The following CAPN11 variants were observed in gnomAD, a reference collection of about 807,000 sequenced individuals.
CAPN11 encodes the protein calpain 11, also known as calpain-11.
In CAPN11, 108 loss-of-function variants were observed where a neutral mutation model predicts 105.3. That is an observed-to-expected ratio of 1.03 (90% CI 0.88 to 1.20). The LOEUF is 1.20. CAPN11 is among the 50% of genes most tolerant of loss of function. The probability of loss-of-function intolerance (pLI) is 0.00; values close to 1 mark genes in which losing one functional copy is unlikely to be tolerated. For synonymous variants in CAPN11, 329 were observed against 344.5 expected (o/e 0.96, Z 0.50); for missense variants, 883 against 924.8 (o/e 0.95, Z 0.59).
intron 2 of CAPN11, chr6:44,168,923 T>G: frequency 2.3e-6 from 1 of 435,528 alleles, no homozygotes; most frequent in East Asian, 7.2e-5. Flanking sequence ...ACCCAGCCTA[T>G]TTATTTATTT....
chr6:44,182,753 T>C (rs779817317), intron 19 of CAPN11, among the ~76,000 whole-genome samples, 188 bp from the exon 20 acceptor site: 2 of 152,184 alleles, frequency 1.3e-5, no homozygotes, highest in Non-Finnish European at 2.9e-5. Flanking sequence ...TTTGTAGTTT[T>C]ATTAGAGACG....
chr6:44,164,485 G>GC (rs1354120548), intron 1 of CAPN11, among the ~76,000 whole-genome samples: 1 of 152,222 alleles, frequency 6.6e-6, no homozygotes, highest in Admixed American at 6.5e-5. Flanking sequence ...CCTCTTGAGA[G>GC]CTCACAGCCT....
At chr6:44,166,700 C>G (rs554714190) in intron 1 of CAPN11, 58 bp from the exon 2 acceptor site, 1 of 1,305,804 alleles carries the variant, frequency 7.7e-7, no homozygotes, top group Non-Finnish European at 1.1e-6. Context: ...CCCAGCTGGG[C>G]TCTGTTTAAC....
rs1561853677 is a variant in CAPN11, at chr6:44,181,431, C to CCCA, written c.1938+111_1938+112insCCA. 135 of 702,672 alleles carry CCCA rather than the reference C, an allele frequency of 1.9e-4. 28 individuals carry two copies. Among genetic ancestry groups the CCCA allele is most frequent in the Middle Eastern group, 7.5e-4 (2 of 2,660 alleles). 43.5% of individuals were successfully genotyped at this position (702,672 alleles called of 1,614,324 possible). On this transcript the variant is annotated intron_variant, in intron 19 of 22. Coordinates refer to ENST00000398776, the MANE Select transcript of CAPN11 (RefSeq NM_007058.4). ...CAAGCCCTAACCACACACACACACACACCCAACCACACCACACTCACACAC... is the reference window on the plus strand; with the variant it reads ...CAAGCCCTAACCACACACACACACACCCAACCCAACCACACCACACTCACACAC...
intron 12 of CAPN11, chr6:44,177,631 C>T (rs1020091511): frequency 4.7e-5 from 26 of 557,414 alleles, no homozygotes; most frequent in African/African-American, 4.0e-4. Context: ...GGATTACAGA[C>T]GTGCACCACC....
In CAPN11 at chr6:44,183,653, G is replaced by A. The variant is rs140426062; in HGVS notation, c.2135-52G>A. The A allele has an allele frequency of 4.2e-4, 657 of 1,572,298 alleles. 5 individuals are homozygous for A. Among genetic ancestry groups the A allele is most frequent in the East Asian group, 3.8e-3 (169 of 44,508 alleles). The stretch of plus-strand genomic sequence containing the variant: ...CTACCTAGTTGGGAGTGGTTCTTTC[G>A]GAACACTGACTTAGCATTCAGCCCC... On this transcript the variant is annotated intron_variant, in intron 21 of 22. Coordinates refer to ENST00000398776, the MANE Select transcript of CAPN11 (RefSeq NM_007058.4).
In CAPN11 at chr6:44,180,646, A is replaced by G; in HGVS notation, c.1730A>G (p.Lys577Arg). 3.7e-6 allele frequency: 6 copies of G among 1,613,712 alleles called. No individual in the cohort carries two copies. Among genetic ancestry groups the G allele is most frequent in the Non-Finnish European group, 5.1e-6 (6 of 1,179,796 alleles). ...GACCAGGACTTCCTACATTTGTTTA[A>G]GATAGTGGCAGGAGAGGTGAGCAGG... ...DMDQDFLHLF[K>R]IVAGEGKEIG... Residue 577 changes from lysine (K) to arginine (R), a missense_variant, in exon 16 of 23, where the codon AAG becomes AGG. Lys to Arg is a conservative substitution (Grantham distance 26). Coordinates refer to ENST00000398776, the MANE Select transcript of CAPN11 (RefSeq NM_007058.4).
At chr6:44,176,043 C>A in intron 7 of CAPN11, 25 bp from the exon 8 acceptor site, 1 of 1,553,570 alleles carries the variant, frequency 6.4e-7, no homozygotes, top group Non-Finnish European at 8.8e-7. Context: ...GCCCTCCATG[C>A]TCTCCCTCCC....
rs1772875863 is a variant in CAPN11, at chr6:44,180,129, C to T, written c.1606C>T (p.Leu536Phe). The change falls in exon 14 of 23, where the codon CTT (leucine) becomes TTT (phenylalanine). Residue 536 changes from leucine to phenylalanine, a missense_variant. Coordinates refer to ENST00000398776, the MANE Select transcript of CAPN11 (RefSeq NM_007058.4). ...GCCACACAGAGATGCTGACTTCCTG[C>T]TTCGGGTCTTCACCGAGAAGCACAG... Reference protein sequence around the residue: ...FEPHRDADFLLRVFTEKHSES... With the variant: ...FEPHRDADFLFRVFTEKHSES... The T allele has an allele frequency of 6.2e-7, 1 of 1,613,244 alleles. No individual in the cohort carries two copies. Among genetic ancestry groups the T allele is most frequent in the Non-Finnish European group, 8.5e-7 (1 of 1,179,612 alleles).
chr6:44,161,912 T>G, intron 1 of CAPN11: 1 of 456,098 alleles, frequency 2.2e-6, no homozygotes, highest in South Asian at 1.5e-5. Flanking sequence ...CTTAGATGAT[T>G]CGCTCAACCC....
intron 1 of CAPN11, among the ~76,000 whole-genome samples, chr6:44,160,760 C>G (rs1458926759): frequency 2.0e-5 from 3 of 152,236 alleles, no homozygotes; most frequent in Non-Finnish European, 4.4e-5. Flanking sequence ...CCCCTGCTTT[C>G]CACGCAGTTT....
chr6:44,169,921 C>A lies in CAPN11; in HGVS notation c.355C>A (p.Pro119Thr). 2 of 1,611,776 alleles carry A rather than the reference C, an allele frequency of 1.2e-6. No homozygotes were observed. Among genetic ancestry groups the A allele is most frequent in the Non-Finnish European group, 1.7e-6 (2 of 1,178,788 alleles). ...WQRPKDIINNPLFIMDGISPT... is the reference protein window; with the variant it reads ...WQRPKDIINNTLFIMDGISPT... ...TTCACTGCAGGATATCATAAACAACCCTCTATTCATCATGGATGGGATTTC... is the reference window on the plus strand; with the variant it reads ...TTCACTGCAGGATATCATAAACAACACTCTATTCATCATGGATGGGATTTC... The change falls in exon 4 of 23, where the codon CCT becomes ACT. Residue 119 changes from proline to threonine, a missense_variant. By Grantham distance (38) the Pro-to-Thr change is conservative (BLOSUM62 -1). Transcript: ENST00000398776.
chr6:44,183,624 CT>C (rs2128319813), intron 21 of CAPN11, 80 bp from the exon 22 acceptor site: 1 of 1,353,392 alleles, frequency 7.4e-7, no homozygotes, highest in East Asian at 2.3e-5. Context: ...GGTGTCGCCC[CT>C]TCCTACCTAG....
chr6:44,180,725 G>A lies in CAPN11; in HGVS notation c.1747-23G>A, dbSNP rs1414142579. On this transcript the variant is annotated intron_variant, in intron 16 of 22. Transcript: ENST00000398776. ...ATGAGGGGCTGGAGGGGCCCGAGTG[G>A]GGTTCACAGTTCCCCTTCCTAGGGC... The A allele has an allele frequency of 1.9e-6, 3 of 1,613,534 alleles. No individual in the cohort carries two copies. The African/African-American group carries it at 4.0e-5, about 22-fold the overall frequency.
chr6:44,160,894 G>A (rs1437204816), intron 1 of CAPN11, among the ~76,000 whole-genome samples: 1 of 152,174 alleles, frequency 6.6e-6, no homozygotes, highest in Non-Finnish European at 1.5e-5. Flanking sequence ...ATGGTTAACT[G>A]CTTACTGTGC....
Position 44,172,339 on chromosome 6 carries a change from C to T in CAPN11, c.447C>T (p.Thr149=), listed in dbSNP as rs376991093. The T allele has an allele frequency of 7.3e-5, 114 of 1,560,452 alleles. 1 individual carries two copies. In the African/African-American group the frequency reaches 1.1e-3, roughly 15 times the overall value. Residue 149 remains threonine (T), a synonymous_variant, in exon 5 of 23, where the codon ACC becomes ACT. Coordinates refer to ENST00000398776, the MANE Select transcript of CAPN11 (RefSeq NM_007058.4). ...CWLLAAIGSL[T]TCPKLLYRVV... is the part of the protein sequence containing the mutation. ...TGCTGGCTGCCATCGGCTCCCTTAC[C>T]ACCTGCCCCAAACTGCTATACCGCG...
At chr6:44,176,531 G>T (rs754583760) in intron 9 of CAPN11, 50 bp from the exon 10 acceptor site, 1 of 1,544,162 alleles carries the variant, frequency 6.5e-7, no homozygotes, top group Non-Finnish European at 8.9e-7. Context: ...GAGGAAGGAG[G>T]TGCCACATGA....
intron 7 of CAPN11, among the ~76,000 whole-genome samples, chr6:44,173,951 G>A (rs2128304778): frequency 6.6e-6 from 1 of 152,160 alleles, no homozygotes; most frequent in South Asian, 2.1e-4. Flanking sequence ...AAATTATCTT[G>A]CTTATCTATG....
At chr6:44,168,616 ATTTATTTATT>A (rs1322742797) in intron 2 of CAPN11, among the ~76,000 whole-genome samples, 2 of 151,100 alleles carry the variant, frequency 1.3e-5, no homozygotes, top group African/African-American at 2.4e-5. Flanking sequence ...AAAAATATTT[ATTTATTTATT>A]TTTATTTATT....
Sources: allele counts gnomAD v4.1 joint callset (sites outside exome capture counted in the v4.1 genomes callset), GRCh38; gene constraint gnomAD v4.1.1; transcripts MANE v1.5; gene names NCBI Gene and HGNC (gene_info 2026-07-23, HGNC 2026-07-21).